LONP2: variants seen among roughly 807,000 people sequenced by gnomAD.
The protein encoded by LONP2 is lon protease homolog 2, peroxisomal.
Under a neutral mutation model 85.6 loss-of-function variants are expected in LONP2, and 60 were observed. The observed-to-expected ratio is 0.70, with a 90% confidence interval of 0.57 to 0.87. The LOEUF is 0.87. Ranked by LOEUF, LONP2 falls within the 40% of genes least tolerant of loss-of-function variation. The pLI, the probability that LONP2 is intolerant of heterozygous loss-of-function variation, is 0.00. For synonymous variants in LONP2, 395 were observed against 389.7 expected (o/e 1.01, Z -0.16); for missense variants, 860 against 1,063.5 (o/e 0.81, Z 2.66).
intron 7 of LONP2, among the ~76,000 whole-genome samples, chr16:48,272,667 G>A (rs1311479940): frequency 6.6e-6 from 1 of 152,146 alleles, no homozygotes; most frequent in African/African-American, 2.4e-5. Flanking sequence ...GATTTGTTTT[G>A]TGAATCATTC....
chr16:48,303,496 A>C (rs946340853), intron 11 of LONP2, among the ~76,000 whole-genome samples, 191 bp downstream of exon 11: 2 of 152,222 alleles, frequency 1.3e-5, no homozygotes, highest in Non-Finnish European at 2.9e-5. Flanking sequence ...TCTTTTACAA[A>C]TAGCACAGTT....
rs929269453 is a variant in LONP2, at chr16:48,296,030, C to T, written c.1399C>T (p.Gln467Ter). The T allele has an allele frequency of 2.5e-6, 4 of 1,614,068 alleles. No homozygotes were observed. The highest frequency in any genetic ancestry group is 3.4e-6 in the Non-Finnish European group (4 of 1,179,996). The change falls in exon 9 of 15, where the codon CAA (glutamine) becomes TAA (stop). Residue 467 changes from glutamine (Q) to a stop codon, truncating the protein, a stop_gained. Coordinates refer to ENST00000285737, the MANE Select transcript of LONP2 (RefSeq NM_031490.5). LOFTEE classifies it high-confidence loss of function. The part of the protein sequence containing the change: ...AALLEVLDPE[Q>*]NHNFTDHYLN... ...TCTCCCCTAGGTGTTGGATCCTGAACAAAACCATAACTTCACAGATCATTA... is the reference window on the plus strand; with the variant it reads ...TCTCCCCTAGGTGTTGGATCCTGAATAAAACCATAACTTCACAGATCATTA...
chr16:48,261,423 G>A lies in LONP2; in HGVS notation c.724-1G>A, dbSNP rs775759348. The A allele has an allele frequency of 1.3e-6, 2 of 1,586,806 alleles. No individual in the cohort carries two copies. The highest frequency in any genetic ancestry group is 1.7e-6 in the Non-Finnish European group (2 of 1,165,998). ...TTTTACTTTTCTGCTTTCTATGTTA[G>A]GTTATAGCAATACGCCCTATTAGGA... On this transcript the variant is annotated splice_acceptor_variant, in intron 4 of 14. Coordinates refer to ENST00000285737, the MANE Select transcript of LONP2 (RefSeq NM_031490.5). LOFTEE classifies it high-confidence loss of function.
chr16:48,310,102 T>A (rs1972998854), intron 11 of LONP2, among the ~76,000 whole-genome samples: 1 of 152,166 alleles, frequency 6.6e-6, no homozygotes, highest in African/African-American at 2.4e-5. Flanking sequence ...CTGTTTTATC[T>A]AATATAAGTA....
At chr16:48,296,754 T>G (rs1972681778) in intron 9 of LONP2, among the ~76,000 whole-genome samples, 1 of 151,616 alleles carries the variant, frequency 6.6e-6, no homozygotes, top group African/African-American at 2.4e-5. Context: ...GTAACTGAAC[T>G]TTCTCATAAA....
At chr16:48,272,320 G>A (rs773600017) in intron 7 of LONP2, among the ~76,000 whole-genome samples, 54 of 151,850 alleles carry the variant, frequency 3.6e-4, no homozygotes, top group Non-Finnish European at 4.0e-4. Context: ...TAATTTATAC[G>A]GCAGAATTAT....
At chr16:48,262,013 A>G (rs1215341769) in intron 5 of LONP2, among the ~76,000 whole-genome samples, 2 of 151,970 alleles carry the variant, frequency 1.3e-5, no homozygotes, top group Non-Finnish European at 2.9e-5. Flanking sequence ...CTCTTATTAC[A>G]TTTTCTTTTA....
In LONP2 at chr16:48,348,239, T is replaced by G. The variant is rs746996371; in HGVS notation, c.2286T>G (p.Arg762=). 1.2e-6 allele frequency: 2 copies of G among 1,606,600 alleles called. No homozygotes were observed. The highest frequency in any genetic ancestry group is 1.7e-6 in the Non-Finnish European group (2 of 1,177,658). ...CACTTTTTAGTGGGCGGCTGGTACG[T>G]TCAGATGTAGCCATGACTGGAGAAA... The part of the protein sequence containing the change: ...LASLFSGRLV[R]SDVAMTGEIT... Residue 762 remains arginine, a synonymous_variant, in exon 14 of 15, where the codon CGT becomes CGG. Transcript: ENST00000285737.
intron 8 of LONP2, among the ~76,000 whole-genome samples, chr16:48,294,248 A>G (rs1431631035): frequency 6.6e-6 from 1 of 152,166 alleles, no homozygotes; most frequent in African/African-American, 2.4e-5. Flanking sequence ...GCCTGTGAAC[A>G]GTTTTTAGAT....
chr16:48,270,490 C>T (rs560536386), intron 7 of LONP2, among the ~76,000 whole-genome samples: 1 of 152,286 alleles, frequency 6.6e-6, no homozygotes, highest in South Asian at 2.1e-4. Flanking sequence ...ACAGTGGATA[C>T]TACTCTGTGC....
At chr16:48,269,679 G>GA (rs1018540514) in intron 6 of LONP2, among the ~76,000 whole-genome samples, 2 of 151,976 alleles carry the variant, frequency 1.3e-5, no homozygotes, top group East Asian at 1.9e-4. Context: ...CTGAAATAAG[G>GA]AAAAAAATCA....
At chr16:48,336,147 T>C (rs1399493370) in intron 12 of LONP2, among the ~76,000 whole-genome samples, 2 of 152,220 alleles carry the variant, frequency 1.3e-5, no homozygotes, top group East Asian at 3.8e-4. Flanking sequence ...CTCTGTTGCA[T>C]ATACCCCTCT....
Position 48,348,089 on chromosome 16 carries a change from C to T in LONP2, c.2147-11C>T. 1 of 1,577,788 alleles carries T rather than the reference C, an allele frequency of 6.3e-7. No individual in the cohort carries two copies. Among genetic ancestry groups the T allele is most frequent in the Non-Finnish European group, 8.5e-7 (1 of 1,170,098 alleles). On this transcript the variant is annotated splice_polypyrimidine_tract_variant and intron_variant, in intron 13 of 14. Transcript: ENST00000285737. The stretch of plus-strand genomic sequence containing the variant: ...TTTTTCTACATTAAAGTCCCTTTTT[C>T]CTTTTTAAAGCTTTTGGAAGTTTTG...
chr16:48,276,697 C>T (rs968636121), intron 7 of LONP2, among the ~76,000 whole-genome samples: 7 of 152,112 alleles, frequency 4.6e-5, no homozygotes, highest in Non-Finnish European at 7.4e-5. Context: ...CCAATTAGTG[C>T]ATATGGGATG....
Position 48,275,758 on chromosome 16 carries a change from G to A in LONP2, c.1242-1580G>A, listed in dbSNP as rs1271803595. On this transcript the variant is annotated intron_variant, in intron 7 of 14. Transcript: ENST00000285737. Reference sequence around the variant, plus strand: ...ATGAATGGGAGCTGGATTGTGAAAAGCCTCGAACTCCAGACAAAGGAATTT... The same window carrying A: ...ATGAATGGGAGCTGGATTGTGAAAAACCTCGAACTCCAGACAAAGGAATTT... Among the ~76,000 whole-genome samples, 4 of 152,234 alleles carry A rather than the reference G, an allele frequency of 2.6e-5. No homozygotes were observed. In the East Asian group the frequency reaches 7.7e-4, roughly 29 times the overall value.
chr16:48,244,477 G>C lies in LONP2; in HGVS notation c.89G>C (p.Arg30Pro). 1 of 1,598,450 alleles carries C rather than the reference G, an allele frequency of 6.3e-7. No individual in the cohort carries two copies. Among genetic ancestry groups the C allele is most frequent in the Non-Finnish European group, 8.5e-7 (1 of 1,176,400 alleles). ...GTCCTGCTGCCCGGCTCCACCATGC[G>C]CACCAGCGTGGACTCGGCCCGCAAC... is the stretch of plus-strand genomic sequence containing the variant. ...EGVLLPGSTM[R>P]TSVDSARNLQ... The change falls in exon 1 of 15, where the codon CGC (arginine) becomes CCC (proline). Residue 30 changes from arginine to proline, a missense_variant. Physicochemically the swap from Arg to Pro is moderately radical, Grantham distance 103. Coordinates refer to ENST00000285737, the MANE Select transcript of LONP2 (RefSeq NM_031490.5).
chr16:48,308,161 A>T (rs1972951502), intron 11 of LONP2, among the ~76,000 whole-genome samples: 1 of 152,204 alleles, frequency 6.6e-6, no homozygotes, highest in African/African-American at 2.4e-5. Context: ...AATGGAACAG[A>T]ATGCAGAAAC....
rs930454720 is a variant in LONP2, at chr16:48,275,161, G to A, written c.1242-2177G>A. On this transcript the variant is annotated intron_variant, in intron 7 of 14. Coordinates refer to ENST00000285737, the MANE Select transcript of LONP2 (RefSeq NM_031490.5). ...ACTGGAAAGCTCACTGTGTGCCAGGGACCGTGCTGTGTGCTTTGCCTGTGT... is the reference window on the plus strand; with the variant it reads ...ACTGGAAAGCTCACTGTGTGCCAGGAACCGTGCTGTGTGCTTTGCCTGTGT... 5.9e-4 allele frequency among the ~76,000 whole-genome samples: 90 copies of A among 152,224 alleles called. 1 individual carries two copies. Among genetic ancestry groups the A allele is most frequent in the Non-Finnish European group, 1.8e-4 (12 of 68,016 alleles).
intron 1 of LONP2, among the ~76,000 whole-genome samples, chr16:48,248,147 A>G (rs1044297832): frequency 3.3e-5 from 5 of 152,106 alleles, no homozygotes; most frequent in African/African-American, 1.2e-4. Context: ...TTTTTGAGAC[A>G]GGGTCTCACT....
Sources: gnomAD v4.1 joint callset for allele counts (sites outside exome capture counted in the v4.1 genomes callset) on GRCh38, gnomAD v4.1.1 for gene constraint, MANE v1.5 for transcripts, NCBI Gene and HGNC (gene_info 2026-07-23, HGNC 2026-07-21) for gene names.